Variants in FBXO32 observed in about 807,000 individuals in gnomAD.
FBXO32 encodes F-box only protein 32.
A neutral mutation model predicts 48.3 loss-of-function variants in FBXO32; 15 were observed. The ratio of observed to expected loss-of-function variants is 0.31; its 90% CI spans 0.21 to 0.48. The LOEUF is 0.48. Among genes scored for constraint, FBXO32 ranks in the 20% least tolerant of loss-of-function variants. The pLI, the probability that FBXO32 is intolerant of heterozygous loss-of-function variation, is 0.99. For missense variants in FBXO32, 309 were observed against 432.7 expected (o/e 0.71, Z 2.54); for synonymous variants, 154 against 165.9 (o/e 0.93, Z 0.55).
In FBXO32 at chr8:123,500,046, T is replaced by C. The variant is rs1463188009; in HGVS notation, c.*3327A>G. The C allele has an allele frequency of 1.3e-5, 2 of 152,234 alleles. No homozygotes were observed. Among genetic ancestry groups the C allele is most frequent in the African/African-American group, 4.8e-5 (2 of 41,472 alleles). The allele number at this position is 152,234 out of a possible 1,614,324, so 9.4% of individuals were successfully genotyped here. On this transcript the variant is annotated 3_prime_UTR_variant, in exon 9 of 9. Coordinates refer to ENST00000517956, the MANE Select transcript of FBXO32 (RefSeq NM_058229.4). ...GATGCTTTCACCTAATAGCTTTTGT[T>C]CATTTCTGCCATTTGCCCTCCCATT...
chr8:123,535,802 C>T (rs1454571230), intron 1 of FBXO32, among the ~76,000 whole-genome samples: 1 of 149,924 alleles, frequency 6.7e-6, no homozygotes, highest in African/African-American at 2.5e-5. Flanking sequence ...ATTTATAATG[C>T]CAACTGGTAA....
chr8:123,507,091 A>T (rs1248561447), intron 6 of FBXO32, among the ~76,000 whole-genome samples: 1 of 152,142 alleles, frequency 6.6e-6, no homozygotes, highest in Non-Finnish European at 1.5e-5. Context: ...CATCCTGCTC[A>T]GATCCAGTTC....
At chr8:123,532,131 C>T in intron 3 of FBXO32, 141 bp from the exon 4 acceptor site, 1 of 1,440,866 alleles carries the variant, frequency 6.9e-7, no homozygotes, top group East Asian at 2.6e-5. Flanking sequence ...GCACTGGCTT[C>T]TTTCCTGTAC....
rs1374288895 is a variant in FBXO32, at chr8:123,501,430, C to T, written c.*1943G>A. ...GATAGAATAATGGTTCGTGACCTTC[C>T]AAAGCTCAATCTTACCCAACAAAAT... On this transcript the variant is annotated 3_prime_UTR_variant, in exon 9 of 9. Transcript: ENST00000517956. 6.6e-6 allele frequency: 1 copy of T among 151,782 alleles called. No homozygotes were observed. Among genetic ancestry groups the T allele is most frequent in the Non-Finnish European group, 1.5e-5 (1 of 68,006 alleles). The allele number at this position is 151,782 out of a possible 1,614,324, so 9.4% of individuals were successfully genotyped here. A position where few individuals can be genotyped will look rare whatever the true frequency, so the allele number is the denominator to read the frequency against.
intron 6 of FBXO32, among the ~76,000 whole-genome samples, chr8:123,509,884 C>G (rs1402118601): frequency 6.6e-6 from 1 of 152,180 alleles, no homozygotes; most frequent in East Asian, 1.9e-4. Flanking sequence ...GGGTTCAGTT[C>G]TTGTGCCACA....
Position 123,501,090 on chromosome 8 carries a change from G to A in FBXO32, c.*2283C>T, listed in dbSNP as rs991331426. ...CTGCGACTGCAAACCTGAAGGCGAC[G>A]AGGAGTTTCTACTTTCTTGATCAGC... is the stretch of plus-strand genomic sequence containing the variant. On this transcript the variant is annotated 3_prime_UTR_variant, in exon 9 of 9. Transcript: ENST00000517956. 26 of 152,204 alleles carry A rather than the reference G, an allele frequency of 1.7e-4. No individual in the cohort carries two copies. Among genetic ancestry groups the A allele is most frequent in the African/African-American group, 5.8e-4 (24 of 41,446 alleles). The allele number at this position is 152,204 out of a possible 1,614,324, so 9.4% of individuals were successfully genotyped here.
intron 4 of FBXO32, among the ~76,000 whole-genome samples, chr8:123,529,790 C>T (rs937242641): frequency 2.6e-5 from 4 of 152,166 alleles, no homozygotes; most frequent in Admixed American, 2.6e-4. Context: ...TGAAAATGAA[C>T]ATATTGATGA....
At chr8:123,508,738 G>A (rs1287312243) in intron 6 of FBXO32, among the ~76,000 whole-genome samples, 4 of 151,964 alleles carry the variant, frequency 2.6e-5, no homozygotes, top group Non-Finnish European at 4.4e-5. Context: ...TTTTCTTTTC[G>A]TTTCCAACAC....
chr8:123,534,658 A>G, intron 2 of FBXO32, 44 bp downstream of exon 2: 2 of 1,304,822 alleles, frequency 1.5e-6, no homozygotes, highest in Non-Finnish European at 2.2e-6. Context: ...AATCATAACT[A>G]TCTTCAAACA....
At chr8:123,527,934 A>G (rs1817120683) in intron 4 of FBXO32, among the ~76,000 whole-genome samples, 1 of 152,196 alleles carries the variant, frequency 6.6e-6, no homozygotes, top group Admixed American at 6.5e-5. Flanking sequence ...TTCCTGATGG[A>G]CCACAGTACA....
chr8:123,507,086 T>A (rs1816641510), intron 6 of FBXO32, among the ~76,000 whole-genome samples: 1 of 152,192 alleles, frequency 6.6e-6, no homozygotes, highest in Admixed American at 6.5e-5. Context: ...GTGGTCATCC[T>A]GCTCAGATCC....
rs1230509246 is a variant in FBXO32 at position 123,500,878 on chromosome 8, G to A, written c.*2495C>T. On this transcript the variant is annotated 3_prime_UTR_variant, in exon 9 of 9. Transcript: ENST00000517956. The stretch of plus-strand genomic sequence containing the variant: ...GCTCCAATAACACCAAAGGACACGG[G>A]GAGAGCCCACTGGTACCATCTTGGT... 1 of 152,182 alleles carries A rather than the reference G, an allele frequency of 6.6e-6. No homozygotes were observed. Among genetic ancestry groups the A allele is most frequent in the Non-Finnish European group, 1.5e-5 (1 of 68,046 alleles). 9.4% of individuals were successfully genotyped at this position (152,182 alleles called of 1,614,324 possible).
At chr8:123,510,918 G>A (rs1816722603) in intron 6 of FBXO32, among the ~76,000 whole-genome samples, 2 of 152,222 alleles carry the variant, frequency 1.3e-5, no homozygotes, top group Admixed American at 1.3e-4. Context: ...TGATGGTGAT[G>A]TCCATAGATT....
At chr8:123,521,158 A>T (rs1187293773) in intron 4 of FBXO32, among the ~76,000 whole-genome samples, 1 of 152,230 alleles carries the variant, frequency 6.6e-6, no homozygotes, top group Non-Finnish European at 1.5e-5. Flanking sequence ...TTACTTGCTG[A>T]TAGGCTAATT....
intron 2 of FBXO32, among the ~76,000 whole-genome samples, chr8:123,533,668 C>T (rs1450151454): frequency 1.3e-5 from 2 of 151,850 alleles, no homozygotes; most frequent in South Asian, 2.1e-4. Context: ...ATTAGCCAGG[C>T]GTGGTGGCAG....
rs749770519 is a variant in FBXO32, at chr8:123,506,660, G to A, written c.652-86C>T. The A allele has an allele frequency of 2.9e-4, 342 of 1,175,802 alleles. No homozygotes were observed. Among genetic ancestry groups the A allele is most frequent in the Non-Finnish European group, 3.8e-4 (318 of 827,092 alleles). The allele number at this position is 1,175,802 out of a possible 1,614,324, so 72.8% of individuals were successfully genotyped here. ...ACCCTCCAGGCATGCAGCTGTGCCC[G>A]TCCTCCACCCTCAAGGCAGTTTATT... On this transcript the variant is annotated intron_variant, in intron 6 of 8. Transcript: ENST00000517956. The surrounding 1 kb of genome is among the most constrained non-coding windows in gnomAD (Gnocchi z 4.0).
intron 1 of FBXO32, among the ~76,000 whole-genome samples, chr8:123,537,497 G>A (rs1487973237): frequency 1.3e-5 from 2 of 151,310 alleles, no homozygotes; most frequent in Non-Finnish European, 2.9e-5. Context: ...AGATAAAGAA[G>A]GGAATGAAAA....
chr8:123,537,869 G>A (rs1817339077), intron 1 of FBXO32, among the ~76,000 whole-genome samples: 1 of 152,170 alleles, frequency 6.6e-6, no homozygotes, highest in African/African-American at 2.4e-5. Context: ...CAGAAGTGTA[G>A]GCTTAGAAAA....
At position 123,500,131 on chromosome 8, in the gene FBXO32, G is replaced by A. The variant is rs541675838; in HGVS notation, c.*3242C>T. 1 of 152,208 alleles carries A rather than the reference G, an allele frequency of 6.6e-6. No homozygotes were observed. The highest frequency in any genetic ancestry group is 1.5e-5 in the Non-Finnish European group (1 of 68,014). The allele number at this position is 152,208 out of a possible 1,614,324, so 9.4% of individuals were successfully genotyped here. A position where few individuals can be genotyped will look rare whatever the true frequency, so the allele number is the denominator to read the frequency against. ...GTGATAATGCAATCTAGTTTAAAAT[G>A]CCATTGGATTTTTTTTTTTCTGGAT... On this transcript the variant is annotated 3_prime_UTR_variant, in exon 9 of 9. Transcript: ENST00000517956.
Sources: allele counts gnomAD v4.1 joint callset (sites outside exome capture counted in the v4.1 genomes callset), GRCh38; gene constraint gnomAD v4.1.1; non-coding constraint Gnocchi (gnomAD v3.1); transcripts MANE v1.5; gene names NCBI Gene and HGNC (gene_info 2026-07-23, HGNC 2026-07-21).